The following FAM177A1 variants were observed in gnomAD, a reference collection of about 807,000 sequenced individuals.
The protein encoded by FAM177A1 is family with sequence similarity 177 member A1.
In FAM177A1, 22 loss-of-function variants were observed where a neutral mutation model predicts 26.1. The ratio of observed to expected loss-of-function variants is 0.84; its 90% CI spans 0.60 to 1.20. The LOEUF (loss-of-function observed/expected upper bound fraction) is 1.20, where lower values mean the gene tolerates loss of function less well. Among genes scored for constraint, FAM177A1 ranks in the 50% most tolerant of loss-of-function variants. FAM177A1 has a pLI of 0.00. For missense variants in FAM177A1, 296 were observed against 291.1 expected (o/e 1.02, Z -0.12); for synonymous variants, 95 against 99.3 (o/e 0.96, Z 0.26).
intron 2 of FAM177A1, among the ~76,000 whole-genome samples, chr14:35,074,234 TC>T (rs1385958521): frequency 3.3e-5 from 5 of 152,218 alleles, no homozygotes; most frequent in Non-Finnish European, 7.3e-5. Flanking sequence ...AACCTCCGCC[TC>T]CCGGGTTCAA....
At chr14:35,050,661 G>GTA (rs1388834640) in intron 1 of FAM177A1, 1 of 152,194 alleles carries the variant, frequency 6.6e-6, no homozygotes, top group Non-Finnish European at 1.5e-5. Context: ...GGGCATGGTG[G>GTA]TATACTGTGA....
chr14:35,052,600 T>C (rs1237205213), intron 1 of FAM177A1, among the ~76,000 whole-genome samples: 22 of 151,994 alleles, frequency 1.4e-4, no homozygotes, highest in Admixed American at 1.4e-3. Context: ...TATAGATATA[T>C]ATAGTGTAAA....
chr14:35,078,880 G>T (rs370372725), intron 3 of FAM177A1, 47 bp from the exon 4 acceptor site: 95 of 1,375,950 alleles, frequency 6.9e-5, no homozygotes, highest in Non-Finnish European at 8.7e-5. Flanking sequence ...AAGTGCTCAA[G>T]AAATGTTTAT....
chr14:35,071,176 T>G (rs2045315955), intron 2 of FAM177A1, among the ~76,000 whole-genome samples: 1 of 151,956 alleles, frequency 6.6e-6, no homozygotes, highest in African/African-American at 2.4e-5. Context: ...TTTTGTATTT[T>G]TTTTTAGAGA....
At chr14:35,079,113 C>A in intron 4 of FAM177A1, 89 bp downstream of exon 4, 1 of 868,438 alleles carries the variant, frequency 1.2e-6, no homozygotes. Flanking sequence ...TTTCTAACTG[C>A]CCAACATGTA....
intron 2 of FAM177A1, among the ~76,000 whole-genome samples, chr14:35,073,459 T>A (rs1198679399): frequency 6.6e-6 from 1 of 152,230 alleles, no homozygotes; most frequent in Non-Finnish European, 1.5e-5. Flanking sequence ...ATCCAGAGGC[T>A]GAACTAGAGA....
rs559184809 is a variant in FAM177A1, at chr14:35,057,876, G to T, written c.339+4425G>T. Among the ~76,000 whole-genome samples the T allele has an allele frequency of 1.5e-3, 235 of 151,996 alleles. 1 individual carries two copies. The highest frequency in any genetic ancestry group is 5.5e-3 in the African/African-American group (227 of 41,446). Reference sequence around the variant, plus strand: ...TATTTGACCCTTTAAATGTATTGACGTTTGTTTTATAGCCTGCCTAGCAGG... The same window carrying T: ...TATTTGACCCTTTAAATGTATTGACTTTTGTTTTATAGCCTGCCTAGCAGG... On this transcript the variant is annotated intron_variant, in intron 2 of 4. Coordinates refer to ENST00000280987, the MANE Select transcript of FAM177A1 (RefSeq NM_173607.5).
chr14:35,069,574 C>T (rs190541226), intron 2 of FAM177A1, among the ~76,000 whole-genome samples: 256 of 152,152 alleles, frequency 1.7e-3, no homozygotes, highest in African/African-American at 5.8e-3. Context: ...CATGAGCCAC[C>T]GTGCCTGGCC....
chr14:35,080,438 AT>A (rs1198098560), intron 4 of FAM177A1, among the ~76,000 whole-genome samples: 2 of 152,340 alleles, frequency 1.3e-5, no homozygotes, highest in African/African-American at 4.8e-5. Context: ...TCTGAAAAAA[AT>A]AAAGTCCTTG....
chr14:35,079,317 CATTCTA>C (rs1229345255), intron 4 of FAM177A1, among the ~76,000 whole-genome samples: 1 of 152,126 alleles, frequency 6.6e-6, no homozygotes, highest in Non-Finnish European at 1.5e-5. Flanking sequence ...TTTGGATTAT[CATTCTA>C]ATTCTAAGAT....
At chr14:35,046,810 C>T in intron 1 of FAM177A1, 182 bp downstream of exon 1, 1 of 1,377,860 alleles carries the variant, frequency 7.3e-7, no homozygotes. Flanking sequence ...GCGCCCCCCG[C>T]CTCACTCACC....
At chr14:35,061,946 C>T (rs2045165525) in intron 2 of FAM177A1, among the ~76,000 whole-genome samples, 1 of 151,978 alleles carries the variant, frequency 6.6e-6, no homozygotes, top group African/African-American at 2.4e-5. Context: ...CACCCCCTGT[C>T]AACCACACTT....
intron 3 of FAM177A1, among the ~76,000 whole-genome samples, chr14:35,077,798 TTTCTC>T (rs2045421634): frequency 6.6e-6 from 1 of 152,188 alleles, no homozygotes; most frequent in Non-Finnish European, 1.5e-5. Flanking sequence ...TCTTAAACCC[TTTCTC>T]TTAACAGCTA....
At chr14:35,070,930 A>G (rs2045311343) in intron 2 of FAM177A1, among the ~76,000 whole-genome samples, 1 of 151,966 alleles carries the variant, frequency 6.6e-6, no homozygotes, top group Admixed American at 6.6e-5. Context: ...TTGGATAATT[A>G]TTTCTAGGTG....
intron 4 of FAM177A1, among the ~76,000 whole-genome samples, chr14:35,080,330 T>C (rs887806662): frequency 6.6e-6 from 1 of 152,234 alleles, no homozygotes; most frequent in Non-Finnish European, 1.5e-5. Flanking sequence ...ATATATCATG[T>C]AGTAAATGAA....
rs763116779 is a variant in FAM177A1 at position 35,079,009 on chromosome 14, T to C, written c.489T>C (p.Tyr163=). 2 of 1,557,002 alleles carry C rather than the reference T, an allele frequency of 1.3e-6. No homozygotes were observed. The highest frequency in any genetic ancestry group is 2.2e-5 in the Admixed American group (1 of 44,612). The change falls in exon 4 of 5, where the codon TAT becomes TAC. Residue 163 remains tyrosine, a synonymous_variant. Coordinates refer to ENST00000280987, the MANE Select transcript of FAM177A1 (RefSeq NM_173607.5). ...ACCAATATGCCATTGATGAATATTA[T>C]CGGATGAAGAAGGAGGTATGCCTCC... is the stretch of plus-strand genomic sequence containing the variant. ...PKYQYAIDEY[Y]RMKKEEEEEE...
intron 1 of FAM177A1, 99 bp from the exon 2 acceptor site, chr14:35,053,179 A>C (rs554648741): frequency 6.5e-5 from 71 of 1,096,348 alleles, no homozygotes; most frequent in Middle Eastern, 2.9e-4. Flanking sequence ...TTAAAGATTT[A>C]TTTCTTTACT....
chr14:35,063,411 A>G (rs2045189174), intron 2 of FAM177A1, among the ~76,000 whole-genome samples: 1 of 148,618 alleles, frequency 6.7e-6, no homozygotes, highest in African/African-American at 2.5e-5. Flanking sequence ...GTCTCTACTA[A>G]AAAAAAAATA....
At position 35,046,272 on chromosome 14, in the gene FAM177A1, A is replaced by G. The variant is rs1051333964; in HGVS notation, c.-192A>G. 1.8e-6 allele frequency: 1 copy of G among 544,620 alleles called. No individual in the cohort carries two copies. Among genetic ancestry groups the G allele is most frequent in the Non-Finnish European group, 2.9e-6 (1 of 342,948 alleles). 33.7% of individuals were successfully genotyped at this position (544,620 alleles called of 1,614,324 possible). ...GCGCGAGCCGGTAGTTGCGCCTCCC[A>G]GACTGCAGTTGGCCAGCTCTCGGGG... On this transcript the variant is annotated 5_prime_UTR_variant, in exon 1 of 5. Coordinates refer to ENST00000280987, the MANE Select transcript of FAM177A1 (RefSeq NM_173607.5).
Sources: gnomAD v4.1 joint callset for allele counts (sites outside exome capture counted in the v4.1 genomes callset) on GRCh38, gnomAD v4.1.1 for gene constraint, MANE v1.5 for transcripts, NCBI Gene and HGNC (gene_info 2026-07-23, HGNC 2026-07-21) for gene names.